Variants in ATP7A observed in about 807,000 individuals in gnomAD.
ATP7A encodes the protein copper-transporting ATPase 1.
A neutral mutation model predicts 83.5 loss-of-function variants in ATP7A; 7 were observed. The observed-to-expected ratio is 0.08, with a 90% CI of 0.05 to 0.16. The LOEUF is 0.16. Ranked by LOEUF, ATP7A falls within the 10% of genes least tolerant of loss-of-function variation. The pLI, the probability that ATP7A is intolerant of heterozygous loss-of-function variation, is 1.00. For synonymous variants in ATP7A, 354 were observed against 395.2 expected (o/e 0.90, Z 1.24); for missense variants, 940 against 1,120.8 (o/e 0.84, Z 2.30).
chrX:77,939,526 G>C, intron 1 of ATP7A, among the ~76,000 whole-genome samples: 1 of 110,509 alleles, frequency 9.0e-6, no homozygotes, highest in Middle Eastern at 4.7e-3. Context: ...AAGGTACAAG[G>C]TAAACAGAAA....
rs797045381 is a variant in ATP7A at position 78,038,995 on chromosome X, A to G, written c.3658+13A>G. On this transcript the variant is annotated intron_variant, in intron 18 of 22. Transcript: ENST00000341514. Reference sequence around the variant, plus strand: ...GTAGCAGTTGATGGTAAGGTTTTCCATAAGTATGCTATAACTCAATGTTTT... The same window carrying G: ...GTAGCAGTTGATGGTAAGGTTTTCCGTAAGTATGCTATAACTCAATGTTTT... 4 of 1,206,133 alleles carry G rather than the reference A, an allele frequency of 3.3e-6. No individual in the cohort carries two copies. Among genetic ancestry groups the G allele is most frequent in the East Asian group, 3.0e-5 (1 of 33,816 alleles).
At chrX:77,926,594 G>A (rs1302765765) in intron 1 of ATP7A, among the ~76,000 whole-genome samples, 1 of 112,111 alleles carries the variant, frequency 8.9e-6, no homozygotes, top group Non-Finnish European at 1.9e-5. Context: ...GCCTCCCAAA[G>A]TGCTGGGATT....
In ATP7A at chrX:77,930,122, C is replaced by T. The variant is rs1347226140; in HGVS notation, c.-22+19287C>T. The stretch of plus-strand genomic sequence containing the variant: ...AGTGAGCTCTTTAATCTCACATTAC[C>T]CATGATAGGCTCAGAATTTGAAGGT... On this transcript the variant is annotated intron_variant, in intron 1 of 22. Transcript: ENST00000341514. Among the ~76,000 whole-genome samples, 3 of 111,839 alleles carry T rather than the reference C, an allele frequency of 2.7e-5. No homozygotes were observed. The Admixed American group carries it at 2.9e-4, about 11-fold the overall frequency.
chrX:78,009,243 G>C lies in ATP7A; in HGVS notation c.1849G>C (p.Asp617His). 3 of 1,210,004 alleles carry C rather than the reference G, an allele frequency of 2.5e-6. No individual in the cohort carries two copies. The highest frequency in any genetic ancestry group is 3.4e-6 in the Non-Finnish European group (3 of 894,609). The change falls in exon 7 of 23, where the codon GAT becomes CAT. Residue 617 changes from aspartate (D) to histidine (H), a missense_variant. By Grantham distance (81) the Asp-to-His change is moderately conservative. This residue lies in a region of ATP7A where 204 missense variants were observed against 185.8 expected (regional missense o/e 1.10). Transcript: ENST00000341514. The stretch of plus-strand genomic sequence containing the variant: ...TGACCCAGAAATTATTGGTCCTAGA[G>C]ATATTATCCATACAATTGAAGTAAG... Reference protein sequence around the residue: ...KYDPEIIGPRDIIHTIESLGF... With the variant: ...KYDPEIIGPRHIIHTIESLGF...
At chrX:77,952,936 C>T (rs1391066246) in intron 1 of ATP7A, among the ~76,000 whole-genome samples, 1 of 109,688 alleles carries the variant, frequency 9.1e-6, no homozygotes, top group Admixed American at 9.8e-5. Flanking sequence ...AGTGTGCCAC[C>T]GTGGTCAGCT....
chrX:78,008,981 A>T (rs1603384773), intron 6 of ATP7A, 121 bp from the exon 7 acceptor site: 1 of 781,302 alleles, frequency 1.3e-6, no homozygotes, highest in East Asian at 3.2e-5. Context: ...GCACCACTGC[A>T]TTCCAGCCTG....
intron 1 of ATP7A, among the ~76,000 whole-genome samples, chrX:77,917,425 G>A (rs1295984875): frequency 2.7e-5 from 3 of 111,633 alleles, no homozygotes; most frequent in Non-Finnish European, 5.6e-5. Context: ...TTTATAGTAA[G>A]TTTTCTCAGT....
chrX:77,962,750 G>A (rs1485889716), intron 1 of ATP7A: 6 of 387,073 alleles, frequency 1.6e-5, no homozygotes, highest in East Asian at 1.5e-4. Context: ...CAGCATTTTC[G>A]TCAACCAAAC....
chrX:78,007,998 G>A (rs781898037), intron 6 of ATP7A, among the ~76,000 whole-genome samples: 15 of 112,138 alleles, frequency 1.3e-4, no homozygotes, highest in Non-Finnish European at 2.1e-4. Flanking sequence ...TAGTCATCCT[G>A]TTCTGCTATG....
chrX:77,979,849 G>A (rs899318789), intron 2 of ATP7A, among the ~76,000 whole-genome samples: 5 of 112,494 alleles, frequency 4.4e-5, no homozygotes, highest in Non-Finnish European at 9.4e-5. Flanking sequence ...TTTGGGAATT[G>A]TGTCCTAAGT....
At chrX:77,996,451 GTGT>G (rs2077705729) in intron 4 of ATP7A, among the ~76,000 whole-genome samples, 1 of 111,626 alleles carries the variant, frequency 9.0e-6, no homozygotes. Flanking sequence ...AGTTTAAGTA[GTGT>G]TGTTACAGCC....
intron 6 of ATP7A, among the ~76,000 whole-genome samples, chrX:78,008,332 G>A (rs782734195): frequency 8.9e-6 from 1 of 111,817 alleles, no homozygotes; most frequent in South Asian, 3.7e-4. Context: ...TTTGAGGAAA[G>A]GATTTGCTGA....
chrX:78,034,545 C>T (rs1318965072), intron 17 of ATP7A, among the ~76,000 whole-genome samples: 1 of 110,986 alleles, frequency 9.0e-6, no homozygotes, highest in Non-Finnish European at 1.9e-5. Context: ...TGGCTTCTCC[C>T]CCATCCATAC....
intron 2 of ATP7A, among the ~76,000 whole-genome samples, chrX:77,977,633 A>G (rs1345072467): frequency 8.9e-6 from 1 of 112,575 alleles, no homozygotes; most frequent in Non-Finnish European, 1.9e-5. Flanking sequence ...GCATCTTCCC[A>G]AAGTTCACCA....
intron 6 of ATP7A, among the ~76,000 whole-genome samples, chrX:78,004,917 T>G (rs1217383887): frequency 9.1e-6 from 1 of 110,163 alleles, no homozygotes; most frequent in African/African-American, 3.3e-5. Flanking sequence ...AATAAAAAAT[T>G]TAAAAAGTAA....
In ATP7A at chrX:77,983,704, C is replaced by CT. The variant is rs782303758; in HGVS notation, c.121-4526dup. 5.3e-3 allele frequency among the ~76,000 whole-genome samples: 568 copies of CT among 106,812 alleles called. 4 individuals are homozygous for CT. Among genetic ancestry groups the CT allele is most frequent in the South Asian group, 0.014 (36 of 2,546 alleles). 92.8% of individuals were successfully genotyped at this position (106,812 alleles called of 115,157 possible). ...GCTGTTACATTTATTTTCAGAGGAA[C>CT]TTTTTTTTTTTTCCGAGACGGAGTT... On this transcript the variant is annotated intron_variant, in intron 2 of 22. Transcript: ENST00000341514.
At chrX:78,020,097 A>G (rs2077894868) in intron 12 of ATP7A, 147 bp from the exon 13 acceptor site, 2 of 679,299 alleles carry the variant, frequency 2.9e-6, no homozygotes, top group South Asian at 2.6e-5. Flanking sequence ...TAGAACTGAT[A>G]TAAGGAAAAA....
In ATP7A at chrX:78,049,349, T is replaced by C. The variant is rs1170817347; in HGVS notation, c.*2779T>C. 1 of 112,570 alleles carries C rather than the reference T, an allele frequency of 8.9e-6. No homozygotes were observed. Among genetic ancestry groups the C allele is most frequent in the Non-Finnish European group, 1.9e-5 (1 of 53,197 alleles). The allele number at this position is 112,570 out of a possible 1,213,427, so 9.3% of individuals were successfully genotyped here. On this transcript the variant is annotated 3_prime_UTR_variant, in exon 23 of 23. Coordinates refer to ENST00000341514, the MANE Select transcript of ATP7A (RefSeq NM_000052.7). ...GAAATGGATTTATATTTGAATTTGATATTTGAATATTTGAAGTTCTCTATT... is the reference window on the plus strand; with the variant it reads ...GAAATGGATTTATATTTGAATTTGACATTTGAATATTTGAAGTTCTCTATT...
At chrX:78,036,465 G>A (rs782606413) in intron 17 of ATP7A, among the ~76,000 whole-genome samples, 5 of 111,647 alleles carry the variant, frequency 4.5e-5, no homozygotes, top group African/African-American at 1.6e-4. Flanking sequence ...TGTGGCAAGC[G>A]CAGAGTAAAT....
Sources: gnomAD v4.1 joint callset for allele counts (sites outside exome capture counted in the v4.1 genomes callset) on GRCh38, gnomAD v4.1.1 for gene constraint, gnomAD v4.1.1 regional missense constraint, MANE v1.5 for transcripts, NCBI Gene and HGNC (gene_info 2026-07-23, HGNC 2026-07-21) for gene names.